The following DBNL variants were observed in gnomAD, a reference collection of about 807,000 sequenced individuals.
The protein encoded by DBNL is drebrin-like protein.
A neutral mutation model predicts 62.2 loss-of-function variants in DBNL; 35 were observed. The ratio of observed to expected loss-of-function variants is 0.56; its 90% confidence interval spans 0.43 to 0.75. The LOEUF is 0.75. DBNL is among the 30% of genes least tolerant of loss of function. The probability of loss-of-function intolerance (pLI) is 0.00; values close to 1 mark genes in which losing one functional copy is unlikely to be tolerated. For missense variants in DBNL, 495 were observed against 578.4 expected, an observed-to-expected ratio of 0.86 and a Z score of 1.48; for synonymous variants, 197 against 218.0, an observed-to-expected ratio of 0.90 and a Z score of 0.85.
Position 44,056,832 on chromosome 7 carries a change from G to C in DBNL, c.403G>C (p.Ala135Pro). Reference sequence around the variant, plus strand: ...GTGCATCATGGAGAAGGTGGCCAAGGCTTCAGGTGCCAACTACAGCTTTCA... The same window carrying C: ...GTGCATCATGGAGAAGGTGGCCAAGCCTTCAGGTGCCAACTACAGCTTTCA... ...PECIMEKVAKASGANYSFHKE... is the reference protein window; with the variant it reads ...PECIMEKVAKPSGANYSFHKE... Residue 135 changes from alanine (A) to proline (P), a missense_variant, in exon 5 of 13, where the codon GCT becomes CCT. Transcript: ENST00000448521. 6.2e-7 allele frequency: 1 copy of C among 1,614,142 alleles called. No individual in the cohort carries two copies. The highest frequency in any genetic ancestry group is 8.5e-7 in the Non-Finnish European group (1 of 1,180,024).
chr7:44,057,726 T>C, intron 5 of DBNL, 56 bp from the exon 6 acceptor site: 1 of 1,603,176 alleles, frequency 6.2e-7, no homozygotes, highest in Non-Finnish European at 8.5e-7. Flanking sequence ...CTTTGGTGCC[T>C]GTGGGCCTGG....
Position 44,059,502 on chromosome 7 carries a change from G to T in DBNL, c.932-41G>T. 6.2e-7 allele frequency: 1 copy of T among 1,613,462 alleles called. No individual in the cohort carries two copies. The highest frequency in any genetic ancestry group is 8.5e-7 in the Non-Finnish European group (1 of 1,179,670). On this transcript the variant is annotated intron_variant, in intron 10 of 12. Coordinates refer to ENST00000448521, the MANE Select transcript of DBNL (RefSeq NM_001014436.3). This position sits in a 1 kb window ranked among gnomAD's most constrained non-coding sequence, Gnocchi z 4.1. ...CCTGGGGGACAGCAGTGGAGAAGGG[G>T]GATGTGTGGGAGTGAGAACCTGCTG...
rs554370989 is a variant in DBNL at position 44,063,536 on chromosome 7, T to A, written c.*2620T>A. ...CTCAGGTGATCTGCCTGCCTCAGCC[T>A]CCCAAAGTGCTGGGATTACAGGAGT... is the stretch of plus-strand genomic sequence containing the variant. On this transcript the variant is annotated 3_prime_UTR_variant, in exon 13 of 13. Coordinates refer to ENST00000448521, the MANE Select transcript of DBNL (RefSeq NM_001014436.3). 5.9e-6 allele frequency: 1 copy of A among 169,626 alleles called. No homozygotes were observed. Among genetic ancestry groups the A allele is most frequent in the South Asian group, 1.3e-4 (1 of 7,466 alleles). The allele number at this position is 169,626 out of a possible 1,614,324, so 10.5% of individuals were successfully genotyped here. A position where few individuals can be genotyped will look rare whatever the true frequency, so the allele number is the denominator to read the frequency against.
intron 1 of DBNL, among the ~76,000 whole-genome samples, chr7:44,047,378 C>T (rs1488717022): frequency 6.6e-6 from 1 of 152,170 alleles, no homozygotes; most frequent in African/African-American, 2.4e-5. Flanking sequence ...TTCACACACA[C>T]AGTGCTGGCA....
chr7:44,060,281 C>T lies in DBNL; in HGVS notation c.1153+128C>T, dbSNP rs146491783. 1.8e-4 allele frequency: 149 copies of T among 824,304 alleles called. 2 individuals carry two copies. The East Asian group carries it at 2.4e-3, about 13-fold the overall frequency. 51.1% of individuals were successfully genotyped at this position (824,304 alleles called of 1,614,324 possible). A position where few individuals can be genotyped will look rare whatever the true frequency, so the allele number is the denominator to read the frequency against. ...AGAGAAGACAGGAGGGTGGGCGGTGCGTTTAGGGGTAGAAGCACCTCTGGA... is the reference window on the plus strand; with the variant it reads ...AGAGAAGACAGGAGGGTGGGCGGTGTGTTTAGGGGTAGAAGCACCTCTGGA... On this transcript the variant is annotated intron_variant, in intron 12 of 12. Coordinates refer to ENST00000448521, the MANE Select transcript of DBNL (RefSeq NM_001014436.3). The surrounding 1 kb of genome is among the most constrained non-coding windows in gnomAD (Gnocchi z 6.3).
intron 2 of DBNL, 75 bp from the exon 3 acceptor site, chr7:44,051,755 C>A: frequency 1.4e-6 from 2 of 1,426,486 alleles, no homozygotes; most frequent in South Asian, 1.2e-5. Flanking sequence ...GCAGCTCGGC[C>A]TCCCTTCATG....
Position 44,064,948 on chromosome 7 carries a change from A to G in DBNL, c.*4032A>G, listed in dbSNP as rs749850365. 1.1e-5 allele frequency: 18 copies of G among 1,609,458 alleles called. No individual in the cohort carries two copies. The highest frequency in any genetic ancestry group is 4.5e-5 in the East Asian group (2 of 44,882). ...GTTCCAGAAGGGCAGGGCCCGGGCA[A>G]TGGTGTCCTTGAGGCTCTCGCAGGT... On this transcript the variant is annotated 3_prime_UTR_variant, in exon 13 of 13. Coordinates refer to ENST00000448521, the MANE Select transcript of DBNL (RefSeq NM_001014436.3).
intron 1 of DBNL, 147 bp from the exon 2 acceptor site, chr7:44,050,078 G>C: frequency 1.2e-6 from 1 of 818,488 alleles, no homozygotes; most frequent in Non-Finnish European, 2.0e-6. Flanking sequence ...TAGTGGGTCA[G>C]AGCAAAGTGA....
In DBNL at chr7:44,057,011, T is replaced by C; in HGVS notation, c.474+108T>C. On this transcript the variant is annotated intron_variant, in intron 5 of 12. Coordinates refer to ENST00000448521, the MANE Select transcript of DBNL (RefSeq NM_001014436.3). ...CGGGCTGGCTGGGCCCATGCCTGCT[T>C]AGTTTCTGCAGATGGTAACCCCTGA... 3 of 1,496,084 alleles carry C rather than the reference T, an allele frequency of 2.0e-6. No individual in the cohort carries two copies. The South Asian group carries it at 3.7e-5, about 18-fold the overall frequency. The allele number at this position is 1,496,084 out of a possible 1,614,324, so 92.7% of individuals were successfully genotyped here.
Position 44,058,268 on chromosome 7 carries a change from C to T in DBNL, c.692C>T (p.Ala231Val). 6.4e-7 allele frequency: 1 copy of T among 1,574,420 alleles called. No homozygotes were observed. The highest frequency in any genetic ancestry group is 1.3e-5 in the African/African-American group (1 of 74,568). ...EQRYQEQGGE[A>V]SPQRTWEQQQ... is the part of the protein sequence containing the mutation. ...CGCTATCAGGAGCAGGGTGGCGAGG[C>T]CAGCCCCCAGAGGTGAGCCAGAGGT... The change falls in exon 7 of 13, where the codon GCC becomes GTC. Residue 231 changes from alanine (A) to valine (V), a missense_variant. Physicochemically the swap from Ala to Val is moderately conservative, Grantham distance 64. Transcript: ENST00000448521.
intron 1 of DBNL, among the ~76,000 whole-genome samples, chr7:44,049,056 T>A (rs969584195): frequency 6.6e-6 from 1 of 152,078 alleles, no homozygotes; most frequent in Non-Finnish European, 1.5e-5. Flanking sequence ...GGTCCCACCA[T>A]GTTGCCCAGG....
chr7:44,044,816 G>T lies in DBNL; in HGVS notation c.79G>T (p.Asp27Tyr). 6.8e-7 allele frequency: 1 copy of T among 1,476,418 alleles called. No individual in the cohort carries two copies. 91.5% of individuals were successfully genotyped at this position (1,476,418 alleles called of 1,614,324 possible). A position where few individuals can be genotyped will look rare whatever the true frequency, so the allele number is the denominator to read the frequency against. Residue 27 changes from aspartate to tyrosine, a missense_variant, in exon 1 of 13, where the codon GAC (aspartate) becomes TAC (tyrosine). Physicochemically the swap from Asp to Tyr is radical, Grantham distance 160. Coordinates refer to ENST00000448521, the MANE Select transcript of DBNL (RefSeq NM_001014436.3). ...VRVVTEKSPT[D>Y]WALFTYEGNS... The stretch of plus-strand genomic sequence containing the variant: ...GGTGGTCACCGAGAAGTCCCCGACC[G>T]ACTGGTGGGCGGCGAGACGGGCCAG...
At chr7:44,056,437 G>A (rs1382933940) in intron 4 of DBNL, among the ~76,000 whole-genome samples, 3 of 152,174 alleles carry the variant, frequency 2.0e-5, no homozygotes, top group Non-Finnish European at 2.9e-5. Flanking sequence ...TAGAAGGAAG[G>A]CCTTTGATGC....
chr7:44,058,951 T>C lies in DBNL; in HGVS notation c.803T>C (p.Met268Thr). The change falls in exon 9 of 13, where the codon ATG becomes ACG. Residue 268 changes from methionine (M) to threonine (T), a missense_variant. Met to Thr is a moderately conservative substitution (Grantham distance 81). Coordinates refer to ENST00000448521, the MANE Select transcript of DBNL (RefSeq NM_001014436.3). ...ATTTTCAAGCAGAAGGAGAGGGCCA[T>C]GTCCACCACCTCCATCTCCAGTCCT... ...REIFKQKERA[M>T]STTSISSPQP... 1.9e-6 allele frequency: 3 copies of C among 1,613,854 alleles called. No homozygotes were observed. Among genetic ancestry groups the C allele is most frequent in the Non-Finnish European group, 2.5e-6 (3 of 1,179,968 alleles).
At position 44,058,882 on chromosome 7, in the gene DBNL, C is replaced by A. The variant is rs756064427; in HGVS notation, c.754-20C>A. ...TGAAGGTTTTGCCCACTGCAGGGGT[C>A]AACATGTGCTTCCCTCCAGGAGTCT... On this transcript the variant is annotated intron_variant, in intron 8 of 12. Coordinates refer to ENST00000448521, the MANE Select transcript of DBNL (RefSeq NM_001014436.3). The A allele has an allele frequency of 1.4e-5, 23 of 1,613,736 alleles. No homozygotes were observed. The highest frequency in any genetic ancestry group is 1.9e-5 in the Non-Finnish European group (22 of 1,179,932).
At position 44,068,503 on chromosome 7, in the gene DBNL, T is replaced by G. The variant is rs1181716396; in HGVS notation, c.*7587T>G. The G allele has an allele frequency of 6.6e-6, 1 of 152,180 alleles. No individual in the cohort carries two copies. Among genetic ancestry groups the G allele is most frequent in the Non-Finnish European group, 1.5e-5 (1 of 68,038 alleles). The allele number at this position is 152,180 out of a possible 1,614,324, so 9.4% of individuals were successfully genotyped here. A position where few individuals can be genotyped will look rare whatever the true frequency, so the allele number is the denominator to read the frequency against. ...AAACAGTCAACATTCTGCTTAGGATTTAAACAAGGTCCAGAGTCTCAACAT... is the reference window on the plus strand; with the variant it reads ...AAACAGTCAACATTCTGCTTAGGATGTAAACAAGGTCCAGAGTCTCAACAT... On this transcript the variant is annotated 3_prime_UTR_variant, in exon 13 of 13. Coordinates refer to ENST00000448521, the MANE Select transcript of DBNL (RefSeq NM_001014436.3).
chr7:44,061,786 G>A lies in DBNL; in HGVS notation c.*870G>A. On this transcript the variant is annotated 3_prime_UTR_variant, in exon 13 of 13. Coordinates refer to ENST00000448521, the MANE Select transcript of DBNL (RefSeq NM_001014436.3). ...CTGTAGCCTGAATGCTCCCATGTGG[G>A]AATAGCACCCCACCACCTGCCCAGT... 1 of 152,494 alleles carries A rather than the reference G, an allele frequency of 6.6e-6. No individual in the cohort carries two copies. The highest frequency in any genetic ancestry group is 1.5e-5 in the Non-Finnish European group (1 of 68,166). The allele number at this position is 152,494 out of a possible 1,614,324, so 9.4% of individuals were successfully genotyped here.
At position 44,067,641 on chromosome 7, in the gene DBNL, C is replaced by G. The variant is rs1251377973; in HGVS notation, c.*6725C>G. ...GTGCCAGAGCTTTCTTGGAGGGGTA[C>G]AGGGGTAGGAAAACCAAAAGCCACC... On this transcript the variant is annotated 3_prime_UTR_variant, in exon 13 of 13. Transcript: ENST00000448521. 1 of 152,218 alleles carries G rather than the reference C, an allele frequency of 6.6e-6. No individual in the cohort carries two copies. Among genetic ancestry groups the G allele is most frequent in the Non-Finnish European group, 1.5e-5 (1 of 68,082 alleles). The allele number at this position is 152,218 out of a possible 1,614,324, so 9.4% of individuals were successfully genotyped here.
Position 44,064,632 on chromosome 7 carries a change from TG to T in DBNL, c.*3718del. On this transcript the variant is annotated 3_prime_UTR_variant, in exon 13 of 13. Coordinates refer to ENST00000448521, the MANE Select transcript of DBNL (RefSeq NM_001014436.3). ...GAGCTTCGAGTGCAGTCAGCCCCTG[TG>T]GAGTGTGTCCCAGTTACACAGAAAT... 1.6e-6 allele frequency: 1 copy of T among 614,810 alleles called. No homozygotes were observed. The highest frequency in any genetic ancestry group is 2.9e-6 in the Non-Finnish European group (1 of 342,684). 38.1% of individuals were successfully genotyped at this position (614,810 alleles called of 1,614,324 possible). A position where few individuals can be genotyped will look rare whatever the true frequency, so the allele number is the denominator to read the frequency against.
Sources: allele counts gnomAD v4.1 joint callset (sites outside exome capture counted in the v4.1 genomes callset), GRCh38; gene constraint gnomAD v4.1.1; non-coding constraint Gnocchi (gnomAD v3.1); transcripts MANE v1.5; gene names NCBI Gene and HGNC (gene_info 2026-07-23, HGNC 2026-07-21).